PRKG1: variants seen among roughly 807,000 people sequenced by gnomAD.
PRKG1 encodes the protein protein kinase cGMP-dependent 1.
A neutral mutation model predicts 88.1 loss-of-function variants in PRKG1; 35 were observed. The observed-to-expected ratio is 0.40, with a 90% CI of 0.30 to 0.53. The LOEUF is 0.53. PRKG1 is among the 20% of genes least tolerant of loss of function. The probability of loss-of-function intolerance (pLI) is 0.59; values close to 1 mark genes in which losing one functional copy is unlikely to be tolerated. For synonymous variants in PRKG1, 303 were observed against 292.5 expected (o/e 1.04, Z -0.37); for missense variants, 540 against 839.8 (o/e 0.64, Z 4.41).
intron 4 of PRKG1, among the ~76,000 whole-genome samples, chr10:51,812,225 C>G (rs1266438390): frequency 6.6e-6 from 1 of 152,146 alleles, no homozygotes; most frequent in Non-Finnish European, 1.5e-5. Flanking sequence ...ATTTGACAAA[C>G]TCTTGGGAAA....
chr10:51,345,072 C>T (rs1842082946), intron 2 of PRKG1, among the ~76,000 whole-genome samples: 1 of 151,968 alleles, frequency 6.6e-6, no homozygotes, highest in African/African-American at 2.4e-5. Flanking sequence ...ATTAGTAGTT[C>T]TTGGTGAAAT....
intron 8 of PRKG1, among the ~76,000 whole-genome samples, chr10:52,141,749 TA>T (rs886240625): frequency 1.3e-5 from 2 of 152,074 alleles, no homozygotes; most frequent in African/African-American, 4.8e-5. Context: ...AAATTATTGT[TA>T]AAAAATGTAT....
At chr10:51,380,022 C>A (rs1293668053) in intron 2 of PRKG1, among the ~76,000 whole-genome samples, 1 of 152,148 alleles carries the variant, frequency 6.6e-6, no homozygotes, top group Admixed American at 6.6e-5. Context: ...GTTTTCACTC[C>A]TGGCTCATTC....
Position 51,328,898 on chromosome 10 carries a change from G to A in PRKG1, c.479-138825G>A, listed in dbSNP as rs184137154. On this transcript the variant is annotated intron_variant, in intron 2 of 17. Transcript: ENST00000373980. ...TTTTATTTGTTTTTTATTTCAGAAGGTTTTTGGGGAACAGGCGTTGCCCAT... is the reference window on the plus strand; with the variant it reads ...TTTTATTTGTTTTTTATTTCAGAAGATTTTTGGGGAACAGGCGTTGCCCAT... 1.3e-3 allele frequency among the ~76,000 whole-genome samples: 201 copies of A among 152,056 alleles called. 1 individual carries two copies. The highest frequency in any genetic ancestry group is 2.5e-3 in the Non-Finnish European group (171 of 67,952).
intron 3 of PRKG1, among the ~76,000 whole-genome samples, chr10:51,679,825 A>T: frequency 6.9e-6 from 1 of 144,932 alleles, no homozygotes; most frequent in African/African-American, 2.6e-5. Context: ...TGCACCCACT[A>T]ACGTGTCATC....
At chr10:51,461,602 A>G (rs1007128229) in intron 2 of PRKG1, among the ~76,000 whole-genome samples, 22 of 152,320 alleles carry the variant, frequency 1.4e-4, no homozygotes, top group African/African-American at 5.1e-4. Flanking sequence ...AGGGGGCAAG[A>G]GTTCAGATCC....
At chr10:51,331,589 A>T (rs1841742998) in intron 2 of PRKG1, among the ~76,000 whole-genome samples, 1 of 152,196 alleles carries the variant, frequency 6.6e-6, no homozygotes, top group African/African-American at 2.4e-5. Flanking sequence ...GGATGATGTG[A>T]GTAATGCAAA....
intron 2 of PRKG1, among the ~76,000 whole-genome samples, chr10:51,205,415 G>A (rs112264703): frequency 2.0e-5 from 3 of 151,398 alleles, no homozygotes; most frequent in African/African-American, 7.3e-5. Flanking sequence ...GGGATTACAT[G>A]TGTGACCCAC....
chr10:51,350,465 C>A (rs1318770459), intron 2 of PRKG1, among the ~76,000 whole-genome samples: 4 of 152,038 alleles, frequency 2.6e-5, no homozygotes, highest in Admixed American at 6.6e-5. Context: ...TACTACAGAC[C>A]CACAGTTAGT....
At chr10:52,034,344 GAC>G (rs1845550512) in intron 5 of PRKG1, among the ~76,000 whole-genome samples, 1 of 118,062 alleles carries the variant, frequency 8.5e-6, no homozygotes, top group African/African-American at 3.1e-5. Flanking sequence ...GATTAGGGGT[GAC>G]GTGGGAACCT....
chr10:51,348,625 A>G (rs1040235126), intron 2 of PRKG1, among the ~76,000 whole-genome samples: 3 of 152,228 alleles, frequency 2.0e-5, no homozygotes, highest in African/African-American at 7.2e-5. Flanking sequence ...TTAGCAGGTG[A>G]TACTTCTCCT....
rs546098195 is a variant in PRKG1 at position 51,740,299 on chromosome 10, G to C, written c.593-64286G>C. Among the ~76,000 whole-genome samples the C allele has an allele frequency of 9.9e-5, 15 of 152,278 alleles. No homozygotes were observed. The East Asian group carries it at 2.3e-3, about 24-fold the overall frequency. On this transcript the variant is annotated intron_variant, in intron 3 of 17. Transcript: ENST00000373980. ...CTGCCCTGGCCTCCCAAAGTGCTGGGATGACAGGCTGGAAACATAGCAACT... is the reference window on the plus strand; with the variant it reads ...CTGCCCTGGCCTCCCAAAGTGCTGGCATGACAGGCTGGAAACATAGCAACT...
At chr10:51,610,861 G>A (rs1276261171) in intron 3 of PRKG1, among the ~76,000 whole-genome samples, 4 of 152,054 alleles carry the variant, frequency 2.6e-5, no homozygotes. Flanking sequence ...TGAACACGGG[G>A]AGGGGAACAA....
intron 9 of PRKG1, among the ~76,000 whole-genome samples, chr10:52,172,567 A>G (rs1838732822): frequency 6.6e-6 from 1 of 152,154 alleles, no homozygotes; most frequent in African/African-American, 2.4e-5. Flanking sequence ...AGAAAAGAAT[A>G]ATACCTTTTA....
chr10:51,599,141 G>T (rs7906721), intron 3 of PRKG1, among the ~76,000 whole-genome samples: 10,535 of 152,214 alleles, frequency 0.069, 1,196 homozygotes, highest in African/African-American at 0.24. Context: ...TTTCAGGATA[G>T]TATGGATGAA....
chr10:52,115,213 G>A (rs1021692131), intron 7 of PRKG1, among the ~76,000 whole-genome samples: 1 of 151,816 alleles, frequency 6.6e-6, no homozygotes, highest in Non-Finnish European at 1.5e-5. Flanking sequence ...AACAACATTG[G>A]CCATACATTA....
chr10:52,063,228 G>C (rs1163967470), intron 7 of PRKG1, among the ~76,000 whole-genome samples: 2 of 152,212 alleles, frequency 1.3e-5, no homozygotes, highest in African/African-American at 2.4e-5. Context: ...GCGAGTGTGG[G>C]GTCTGGCCAC....
chr10:51,309,752 C>A (rs550588570), intron 2 of PRKG1, among the ~76,000 whole-genome samples: 9 of 151,336 alleles, frequency 5.9e-5, no homozygotes, highest in African/African-American at 2.2e-4. Context: ...GGTATCTACC[C>A]AAAGGAAAAA....
At chr10:52,256,727 T>C (rs1217121950) in intron 10 of PRKG1, among the ~76,000 whole-genome samples, 2 of 139,794 alleles carry the variant, frequency 1.4e-5, no homozygotes, top group African/African-American at 5.0e-5. Flanking sequence ...TCTTTTCCAT[T>C]GCTAGGCCAA....
Sources: gnomAD v4.1 joint callset for allele counts (sites outside exome capture counted in the v4.1 genomes callset) on GRCh38, gnomAD v4.1.1 for gene constraint, MANE v1.5 for transcripts, NCBI Gene and HGNC (gene_info 2026-07-23, HGNC 2026-07-21) for gene names.